The following MCF2L2 variants were observed in gnomAD, a reference collection of about 807,000 sequenced individuals.
The protein encoded by MCF2L2 is MCF.2 cell line derived transforming sequence-like 2, also known as probable guanine nucleotide exchange factor MCF2L2.
MCF2L2 carries 102 observed loss-of-function variants against 150.2 expected under a neutral mutation model. The observed-to-expected ratio is 0.68, with a 90% CI of 0.58 to 0.80. The LOEUF (loss-of-function observed/expected upper bound fraction) is 0.80. Ranked by LOEUF, MCF2L2 falls within the 30% of genes least tolerant of loss-of-function variation. MCF2L2 has a pLI of 0.00. For synonymous variants in MCF2L2, 465 were observed against 491.3 expected, an observed-to-expected ratio of 0.95 and a Z score of 0.71; for missense variants, 1,256 against 1,372.8, an observed-to-expected ratio of 0.91 and a Z score of 1.34.
chr3:183,337,183 G>A (rs1212852788), intron 5 of MCF2L2, among the ~76,000 whole-genome samples: 1 of 152,162 alleles, frequency 6.6e-6, no homozygotes, highest in African/African-American at 2.4e-5. Context: ...CTGACCAGCT[G>A]ATGGACATTC....
intron 5 of MCF2L2, among the ~76,000 whole-genome samples, chr3:183,338,316 G>A (rs1044857333): frequency 1.3e-5 from 2 of 151,858 alleles, no homozygotes; most frequent in East Asian, 1.9e-4. Context: ...GCATGGTGGC[G>A]CATGCCTATA....
At position 183,348,598 on chromosome 3, in the gene MCF2L2, G is replaced by A. The variant is rs544082372; in HGVS notation, c.276-6968C>T. On this transcript the variant is annotated intron_variant, in intron 3 of 29. Transcript: ENST00000328913. The stretch of plus-strand genomic sequence containing the variant: ...AAATAAATTTTTAAAAAGGCAAGTA[G>A]AGACGGAGTAAATACACTGCTTACA... Among the ~76,000 whole-genome samples the A allele has an allele frequency of 8.7e-4, 133 of 152,118 alleles. 1 individual carries two copies. The highest frequency in any genetic ancestry group is 2.0e-3 in the Admixed American group (31 of 15,272).
intron 21 of MCF2L2, among the ~76,000 whole-genome samples, chr3:183,216,623 G>A (rs1424007433): frequency 2.3e-4 from 24 of 102,656 alleles, no homozygotes; most frequent in African/African-American, 7.5e-4. Context: ...TTTTGAGAGC[G>A]AGAGAGAGTT....
At chr3:183,339,655 C>G (rs16857349) in intron 4 of MCF2L2, among the ~76,000 whole-genome samples, 19,577 of 152,182 alleles carry the variant, frequency 0.13, 1,342 homozygotes, top group African/African-American at 0.14. Flanking sequence ...AGATTCTGAG[C>G]AGGTTCATGT....
Position 183,300,135 on chromosome 3 carries a change from T to C in MCF2L2, c.1175A>G (p.His392Arg). 6.2e-7 allele frequency: 1 copy of C among 1,613,884 alleles called. No individual in the cohort carries two copies. The highest frequency in any genetic ancestry group is 8.5e-7 in the Non-Finnish European group (1 of 1,179,970). The change falls in exon 11 of 30, where the codon CAT (histidine) becomes CGT (arginine). Residue 392 changes from histidine to arginine, a missense_variant. By Grantham distance (29) the His-to-Arg change is conservative (BLOSUM62 0). Coordinates refer to ENST00000328913, the MANE Select transcript of MCF2L2 (RefSeq NM_015078.4). ...GGGCCTGATGGCATCTGCTGCATAA[T>C]GGTGGCTTTGGATGAGCTGGTCCCC... Reference protein sequence around the residue: ...LVGDQLIQSHHYAADAIRPRC... With the variant: ...LVGDQLIQSHRYAADAIRPRC...
At chr3:183,241,139 G>T (rs1724007102) in intron 15 of MCF2L2, among the ~76,000 whole-genome samples, 1 of 152,238 alleles carries the variant, frequency 6.6e-6, no homozygotes. Flanking sequence ...TAAACCAGGG[G>T]TTGGGGGAGA....
intron 3 of MCF2L2, chr3:183,371,963 G>C (rs1712911242): frequency 6.6e-6 from 1 of 151,442 alleles, no homozygotes; most frequent in African/African-American, 2.4e-5. Flanking sequence ...GGAATTCCTT[G>C]TGGGCAAATT....
chr3:183,264,154 T>G (rs945440868), intron 15 of MCF2L2, among the ~76,000 whole-genome samples: 4 of 152,140 alleles, frequency 2.6e-5, no homozygotes, highest in African/African-American at 9.7e-5. Context: ...CCCCTAAGAC[T>G]CCTCTACCTG....
At chr3:183,359,997 G>T (rs891898609) in intron 3 of MCF2L2, among the ~76,000 whole-genome samples, 1 of 152,150 alleles carries the variant, frequency 6.6e-6, no homozygotes, top group African/African-American at 2.4e-5. Flanking sequence ...GGCTCCAATT[G>T]TTCATTCATT....
chr3:183,229,681 TA>T lies in MCF2L2; in HGVS notation c.2029del (p.Tyr677ThrfsTer9). ...TATTATATACCTGTTGTGAAATTCGTAAAGTTCTCTAATATTCCCAAAGAGA... is the reference window on the plus strand; with the variant it reads ...TATTATATACCTGTTGTGAAATTCGTAAGTTCTCTAATATTCCCAAAGAGA... ...DFLFGNIREL[Y>X]EFHNRTFLKE... On this transcript the variant is annotated frameshift_variant, in exon 17 of 30. Transcript: ENST00000328913. LOFTEE classifies it high-confidence loss of function. 1 of 1,539,352 alleles carries T rather than the reference TA, an allele frequency of 6.5e-7. No homozygotes were observed. Among genetic ancestry groups the T allele is most frequent in the Non-Finnish European group, 9.0e-7 (1 of 1,116,908 alleles).
intron 15 of MCF2L2, among the ~76,000 whole-genome samples, chr3:183,247,633 G>A (rs1261705905): frequency 1.3e-5 from 2 of 152,146 alleles, no homozygotes; most frequent in African/African-American, 4.8e-5. Context: ...CACATCTGTG[G>A]ATTCAACTCA....
At chr3:183,198,484 T>C (rs916055368) in intron 25 of MCF2L2, among the ~76,000 whole-genome samples, 3 of 152,168 alleles carry the variant, frequency 2.0e-5, no homozygotes, top group Non-Finnish European at 4.4e-5. Context: ...CCTTTGGCGG[T>C]GATAGGCATG....
chr3:183,325,780 C>T (rs894593293), intron 5 of MCF2L2, among the ~76,000 whole-genome samples: 1 of 152,068 alleles, frequency 6.6e-6, no homozygotes, highest in African/African-American at 2.4e-5. Context: ...CCCACACTTG[C>T]CAAAACTCTG....
At position 183,408,861 on chromosome 3, in the gene MCF2L2, A is replaced by G. The variant is rs74983359; in HGVS notation, c.76+19041T>C. On this transcript the variant is annotated intron_variant, in intron 1 of 29. Coordinates refer to ENST00000328913, the MANE Select transcript of MCF2L2 (RefSeq NM_015078.4). ...GTTTGTCCACATGCATACAGTTTGT[A>G]CTTATAACTCCCTCACAGTAAAGTC... is the stretch of plus-strand genomic sequence containing the variant. 3.9e-5 allele frequency among the ~76,000 whole-genome samples: 6 copies of G among 152,350 alleles called. No homozygotes were observed. In the East Asian group the frequency reaches 1.2e-3, roughly 29 times the overall value.
chr3:183,282,125 G>A (rs114342909), intron 14 of MCF2L2, among the ~76,000 whole-genome samples: 19 of 151,502 alleles, frequency 1.3e-4, no homozygotes, highest in African/African-American at 4.6e-4. Flanking sequence ...TTAGTAATGA[G>A]TTCAATTTAC....
intron 27 of MCF2L2, among the ~76,000 whole-genome samples, chr3:183,189,306 A>C (rs1248920169): frequency 6.6e-6 from 1 of 152,196 alleles, no homozygotes; most frequent in Non-Finnish European, 1.5e-5. Context: ...GCACAGTTCA[A>C]AGACTCTCAC....
intron 6 of MCF2L2, among the ~76,000 whole-genome samples, chr3:183,319,869 T>C (rs985108621): frequency 1.3e-5 from 2 of 152,104 alleles, no homozygotes; most frequent in Non-Finnish European, 2.9e-5. Context: ...TTTAGCCTCA[T>C]TCTTAAGGGC....
chr3:183,361,300 T>C lies in MCF2L2; in HGVS notation c.275+17997A>G, dbSNP rs1447762039. 4.6e-5 allele frequency among the ~76,000 whole-genome samples: 7 copies of C among 152,280 alleles called. 2 individuals carry two copies. The South Asian group carries it at 1.2e-3, about 27-fold the overall frequency. On this transcript the variant is annotated intron_variant, in intron 3 of 29. Coordinates refer to ENST00000328913, the MANE Select transcript of MCF2L2 (RefSeq NM_015078.4). ...TGTTGTTTAACAGCAGATACAAGAA[T>C]GCTGGTAATGCTACTGTACTGCTTA...
chr3:183,424,781 T>C (rs1007023065), intron 1 of MCF2L2, among the ~76,000 whole-genome samples: 1 of 152,212 alleles, frequency 6.6e-6, no homozygotes, highest in Non-Finnish European at 1.5e-5. Flanking sequence ...GTGTGTACTA[T>C]TTCTGTGAGA....
Sources: allele counts gnomAD v4.1 joint callset (sites outside exome capture counted in the v4.1 genomes callset), GRCh38; gene constraint gnomAD v4.1.1; transcripts MANE v1.5; gene names NCBI Gene and HGNC (gene_info 2026-07-23, HGNC 2026-07-21).